GPD2: variants seen among roughly 807,000 people sequenced by gnomAD.
The protein encoded by GPD2 is glycerol-3-phosphate dehydrogenase 2.
GPD2 carries 54 observed loss-of-function variants against 82.4 expected under a neutral mutation model. The ratio of observed to expected loss-of-function variants is 0.66; its 90% CI spans 0.53 to 0.82. The LOEUF (loss-of-function observed/expected upper bound fraction) is 0.82. GPD2 is among the 40% of genes least tolerant of loss of function. The pLI is 0.00. For synonymous variants in GPD2, 288 were observed against 306.1 expected (o/e 0.94, Z 0.62); for missense variants, 748 against 896.2 (o/e 0.83, Z 2.11).
chr2:156,425,089 A>ATTTTTTTTT, the GPD2 span, among the ~76,000 whole-genome samples: 4 of 148,790 alleles, frequency 2.7e-5, no homozygotes, highest in Admixed American at 6.7e-5. Flanking sequence ...TATTCATTTT[A>ATTTTTTTTT]TTTTTTTTTT....
At chr2:156,408,959 A>T in the GPD2 span, among the ~76,000 whole-genome samples, 1 of 152,184 alleles carries the variant, frequency 6.6e-6, no homozygotes, top group African/African-American at 2.4e-5. Context: ...ATTATGGTGG[A>T]CCCTAATCCA....
At chr2:156,571,413 G>A in intron 13 of GPD2, 121 bp downstream of exon 13, 2 of 582,460 alleles carry the variant, frequency 3.4e-6, no homozygotes, top group Non-Finnish European at 2.9e-6. Context: ...GTTTTTCTTT[G>A]TGTGTGTTTA....
At chr2:156,419,402 A>C in the GPD2 span, among the ~76,000 whole-genome samples, 1 of 152,190 alleles carries the variant, frequency 6.6e-6, no homozygotes, top group Non-Finnish European at 1.5e-5. Flanking sequence ...AAGTATGATC[A>C]CTAATAATGA....
intron 1 of GPD2, among the ~76,000 whole-genome samples, chr2:156,448,216 C>G (rs1682436894): frequency 6.6e-6 from 1 of 151,514 alleles, no homozygotes; most frequent in Non-Finnish European, 1.5e-5. Context: ...ACAAGCAATT[C>G]TCTGCCTCAG....
intron 3 of GPD2, among the ~76,000 whole-genome samples, chr2:156,501,399 A>G (rs1684580856): frequency 6.6e-6 from 1 of 152,186 alleles, no homozygotes; most frequent in Non-Finnish European, 1.5e-5. Flanking sequence ...AACTTGGGTC[A>G]TGTCTTGGCT....
At chr2:156,407,160 T>C in the GPD2 span, among the ~76,000 whole-genome samples, 1 of 152,164 alleles carries the variant, frequency 6.6e-6, no homozygotes, top group South Asian at 2.1e-4. Flanking sequence ...TGCAGTGAGC[T>C]GAGATCGCAC....
chr2:156,555,942 T>C (rs1686945359), intron 8 of GPD2, among the ~76,000 whole-genome samples: 1 of 152,190 alleles, frequency 6.6e-6, no homozygotes, highest in Non-Finnish European at 1.5e-5. Flanking sequence ...TTCTTTCTGC[T>C]AAGGCTGAGT....
At chr2:156,562,639 CTTAA>C (rs1396703416) in intron 9 of GPD2, among the ~76,000 whole-genome samples, 3 of 152,074 alleles carry the variant, frequency 2.0e-5, no homozygotes, top group Admixed American at 1.3e-4. Context: ...ACATTTACCT[CTTAA>C]TTGTCACTTC....
chr2:156,454,199 C>T (rs539543596), intron 1 of GPD2, among the ~76,000 whole-genome samples: 6 of 152,200 alleles, frequency 3.9e-5, no homozygotes, highest in South Asian at 4.2e-4. Flanking sequence ...CTGCTGATGT[C>T]GGTGTTCCAT....
chr2:156,520,297 G>A (rs1351778470), intron 6 of GPD2, among the ~76,000 whole-genome samples: 6 of 152,124 alleles, frequency 3.9e-5, no homozygotes, highest in Non-Finnish European at 1.5e-5. Context: ...CAGGCTTGTG[G>A]ATGGGGCCAT....
intron 6 of GPD2, among the ~76,000 whole-genome samples, chr2:156,536,149 T>C (rs1380026073): frequency 6.6e-6 from 1 of 152,240 alleles, no homozygotes; most frequent in African/African-American, 2.4e-5. Context: ...TGTATGTAAG[T>C]AGTAATACTT....
At chr2:156,446,107 A>T (rs1682359556) in intron 1 of GPD2, among the ~76,000 whole-genome samples, 2 of 151,756 alleles carry the variant, frequency 1.3e-5, no homozygotes, top group South Asian at 4.2e-4. Flanking sequence ...ACACACACTT[A>T]TTTTTTTTGA....
At chr2:156,530,996 ACT>A (rs1190063323) in intron 6 of GPD2, among the ~76,000 whole-genome samples, 1 of 151,922 alleles carries the variant, frequency 6.6e-6, no homozygotes, top group African/African-American at 2.4e-5. Flanking sequence ...TTTGTTTAAG[ACT>A]CTATTTTCAA....
In GPD2 at chr2:156,515,464, G is replaced by T. The variant is rs529153820; in HGVS notation, c.661+1968G>T. 2.0e-5 allele frequency among the ~76,000 whole-genome samples: 3 copies of T among 151,944 alleles called. No homozygotes were observed. In the East Asian group the frequency reaches 5.8e-4, roughly 29 times the overall value. ...TGTTTTACATTGGTTTGGTATTGTT[G>T]TGAATTATAGATTCTTATTTGGAAT... On this transcript the variant is annotated intron_variant, in intron 6 of 16. Coordinates refer to ENST00000438166, the MANE Select transcript of GPD2 (RefSeq NM_000408.5).
intron 2 of GPD2, among the ~76,000 whole-genome samples, chr2:156,493,665 A>C (rs1333539752): frequency 6.6e-6 from 1 of 152,124 alleles, no homozygotes; most frequent in Non-Finnish European, 1.5e-5. Flanking sequence ...ACTATATCAT[A>C]ATATGGTCTT....
chr2:156,522,257 T>C (rs552159005), intron 6 of GPD2, among the ~76,000 whole-genome samples: 1 of 152,324 alleles, frequency 6.6e-6, no homozygotes, highest in African/African-American at 2.4e-5. Flanking sequence ...CTCTTATAAT[T>C]TGCTTTTTTT....
intron 2 of GPD2, among the ~76,000 whole-genome samples, chr2:156,491,605 G>A (rs1266537144): frequency 1.3e-5 from 2 of 152,122 alleles, no homozygotes; most frequent in East Asian, 1.9e-4. Flanking sequence ...AGTTGAGGAC[G>A]ATTATGAATA....
intron 6 of GPD2, among the ~76,000 whole-genome samples, chr2:156,542,934 C>G (rs1686378389): frequency 6.6e-6 from 1 of 152,132 alleles, no homozygotes. Context: ...TTCCATAGGA[C>G]AGAGACCAAG....
At chr2:156,507,498 T>G (rs758496103) in intron 3 of GPD2, among the ~76,000 whole-genome samples, 2 of 152,026 alleles carry the variant, frequency 1.3e-5, no homozygotes, top group Non-Finnish European at 2.9e-5. Context: ...AATTTTTGTA[T>G]TTTTTGGTTG....
Sources: gnomAD v4.1 joint callset for allele counts (sites outside exome capture counted in the v4.1 genomes callset) on GRCh38, gnomAD v4.1.1 for gene constraint, MANE v1.5 for transcripts, NCBI Gene and HGNC (gene_info 2026-07-23, HGNC 2026-07-21) for gene names.